Variants in DLC1 observed in about 807,000 individuals in gnomAD.
DLC1 encodes DLC1 Rho GTPase activating protein, also known as rho GTPase-activating protein 7.
A neutral mutation model predicts 140.3 loss-of-function variants in DLC1; 54 were observed. That is an observed-to-expected ratio of 0.38 (90% CI 0.31 to 0.48). The LOEUF (loss-of-function observed/expected upper bound fraction) is 0.48. Among genes scored for constraint, DLC1 ranks in the 20% least tolerant of loss-of-function variants. The pLI is 0.96. For missense variants in DLC1, 2,536 were observed against 1,907.0 expected, an observed-to-expected ratio of 1.33 and a Z score of -6.14; for synonymous variants, 986 against 728.1, an observed-to-expected ratio of 1.35 and a Z score of -5.70.
intron 1 of DLC1, among the ~76,000 whole-genome samples, chr8:13,537,596 A>G (rs1419091596): frequency 6.7e-5 from 10 of 148,666 alleles, no homozygotes; most frequent in Non-Finnish European, 1.0e-4. Flanking sequence ...GATGACAGTG[A>G]TAATAACTAG....
intron 1 of DLC1, among the ~76,000 whole-genome samples, chr8:13,596,931 C>T (rs1428376628): frequency 6.6e-6 from 1 of 151,728 alleles, no homozygotes; most frequent in Non-Finnish European, 1.5e-5. Context: ...GATCAGAATG[C>T]TTTCAGAACT....
At position 13,123,432 on chromosome 8, in the gene DLC1, C is replaced by T. The variant is rs1044001228; in HGVS notation, c.1349-7775G>A. On this transcript the variant is annotated intron_variant, in intron 5 of 17. Coordinates refer to ENST00000276297, the MANE Select transcript of DLC1 (RefSeq NM_182643.3). ...CTTGGCTCACTGCAACCTCTGTCTC[C>T]CAGGTTCAAGCGATTCTCCTGCCTC... Among the ~76,000 whole-genome samples, 45 of 152,186 alleles carry T rather than the reference C, an allele frequency of 3.0e-4. No homozygotes were observed. The East Asian group carries it at 8.5e-3, about 29-fold the overall frequency.
At chr8:13,213,982 C>T (rs1828068556) in intron 5 of DLC1, among the ~76,000 whole-genome samples, 2 of 152,154 alleles carry the variant, frequency 1.3e-5, no homozygotes, top group African/African-American at 2.4e-5. Context: ...TGGGGTTTCT[C>T]CATGTTGGCC....
intron 6 of DLC1, among the ~76,000 whole-genome samples, chr8:13,111,499 T>G (rs1359008862): frequency 6.6e-6 from 1 of 152,108 alleles, no homozygotes; most frequent in African/African-American, 2.4e-5. Flanking sequence ...CTCGAGACAA[T>G]GAAGAAGCTG....
rs563710527 is a variant in DLC1, at chr8:13,550,932, T to C, written c.-125-50736A>G. Reference sequence around the variant, plus strand: ...TCAAATAGCCTAGAAATCAATGGGTTAAATGAAGTTAAATATGTTTTTCTC... The same window carrying C: ...TCAAATAGCCTAGAAATCAATGGGTCAAATGAAGTTAAATATGTTTTTCTC... On this transcript the variant is annotated intron_variant, in intron 1 of 1. Coordinates refer to the DLC1 transcript ENST00000631382. Among the ~76,000 whole-genome samples, 51 of 152,146 alleles carry C rather than the reference T, an allele frequency of 3.4e-4. No individual in the cohort carries two copies. In the Middle Eastern group the frequency reaches 0.01, roughly 30 times the overall value.
At chr8:13,443,983 A>G (rs1798664508) in intron 2 of DLC1, among the ~76,000 whole-genome samples, 2 of 152,220 alleles carry the variant, frequency 1.3e-5, no homozygotes, top group South Asian at 4.1e-4. Context: ...AAAGCATTGT[A>G]TGAATCATGG....
chr8:13,182,902 G>T (rs577513100), intron 5 of DLC1, among the ~76,000 whole-genome samples: 1 of 152,174 alleles, frequency 6.6e-6, no homozygotes, highest in African/African-American at 2.4e-5. Flanking sequence ...CTGTAAATTA[G>T]CTTGGGCAGT....
chr8:13,305,886 G>T (rs929880945), intron 4 of DLC1, among the ~76,000 whole-genome samples: 6 of 152,264 alleles, frequency 3.9e-5, no homozygotes, highest in African/African-American at 1.4e-4. Flanking sequence ...AAAACACTTT[G>T]AATTGGGGTA....
At chr8:13,537,357 C>G (rs1563426923) in intron 1 of DLC1, among the ~76,000 whole-genome samples, 1 of 152,220 alleles carries the variant, frequency 6.6e-6, no homozygotes. Flanking sequence ...CATTCTAACA[C>G]ATAGCGTATG....
At chr8:13,110,167 T>G (rs1819957458) in intron 7 of DLC1, among the ~76,000 whole-genome samples, 1 of 152,074 alleles carries the variant, frequency 6.6e-6, no homozygotes, top group Non-Finnish European at 1.5e-5. Context: ...CTAAAACCTA[T>G]AAGCTGCCTC....
Position 13,085,733 on chromosome 8 carries a change from G to A in DLC1, c.*78C>T. On this transcript the variant is annotated 3_prime_UTR_variant, in exon 18 of 18. Transcript: ENST00000276297. ...TTTCTTTGTTTCAGGATTAGACACA[G>A]AACCCATTCTTCAAGGACTGGCAAA... The A allele has an allele frequency of 6.3e-7, 1 of 1,597,760 alleles. No homozygotes were observed. The highest frequency in any genetic ancestry group is 8.5e-7 in the Non-Finnish European group (1 of 1,171,102).
Position 13,456,453 on chromosome 8 carries a change from A to AT in DLC1, c.1023+42595dup, listed in dbSNP as rs10715849. On this transcript the variant is annotated intron_variant, in intron 2 of 17. Coordinates refer to ENST00000276297, the MANE Select transcript of DLC1 (RefSeq NM_182643.3). ...ATAACATACTTCTACTTCCTTTTTT[A>AT]TTTTTTTTTTTATTTTTATTTTTTG... is the stretch of plus-strand genomic sequence containing the variant. Among the ~76,000 whole-genome samples, 76 of 147,118 alleles carry AT rather than the reference A, an allele frequency of 5.2e-4. 1 individual carries two copies. The highest frequency in any genetic ancestry group is 8.0e-4 in the East Asian group (4 of 5,004).
At chr8:13,322,819 C>T (rs1833179442) in intron 4 of DLC1, among the ~76,000 whole-genome samples, 1 of 149,346 alleles carries the variant, frequency 6.7e-6, no homozygotes, top group African/African-American at 2.5e-5. Context: ...TAACACTCCC[C>T]CTTTTAAAAA....
intron 1 of DLC1, among the ~76,000 whole-genome samples, chr8:13,599,449 C>T (rs1332101100): frequency 6.6e-6 from 1 of 151,866 alleles, no homozygotes; most frequent in Non-Finnish European, 1.5e-5. Flanking sequence ...GTGGTTCTTT[C>T]TAACATTTTT....
intron 2 of DLC1, among the ~76,000 whole-genome samples, chr8:13,430,179 G>C (rs1216795068): frequency 6.6e-6 from 1 of 152,116 alleles, no homozygotes; most frequent in Non-Finnish European, 1.5e-5. Context: ...TCTCAAATTG[G>C]AGAGCGCATG....
At chr8:13,314,028 C>T (rs75240290) in intron 4 of DLC1, among the ~76,000 whole-genome samples, 1 of 151,996 alleles carries the variant, frequency 6.6e-6, no homozygotes, top group East Asian at 1.9e-4. Flanking sequence ...TGGAAGTGAT[C>T]CCTGTACCAG....
At chr8:13,101,249 G>T (rs959212036) in intron 8 of DLC1, among the ~76,000 whole-genome samples, 2 of 152,142 alleles carry the variant, frequency 1.3e-5, no homozygotes, top group Non-Finnish European at 2.9e-5. Context: ...TGTATTTAAA[G>T]AATTTAACAG....
At chr8:13,143,415 T>G (rs993778682) in intron 5 of DLC1, among the ~76,000 whole-genome samples, 7 of 152,206 alleles carry the variant, frequency 4.6e-5, no homozygotes, top group African/African-American at 7.2e-5. Context: ...TATGTGATTT[T>G]GTGTTACTTC....
intron 4 of DLC1, among the ~76,000 whole-genome samples, chr8:13,374,106 G>A (rs1835852417): frequency 6.6e-6 from 1 of 152,144 alleles, no homozygotes; most frequent in African/African-American, 2.4e-5. Flanking sequence ...ATAAGTGAAT[G>A]AACTGTATCT....
Sources: allele counts gnomAD v4.1 joint callset (sites outside exome capture counted in the v4.1 genomes callset), GRCh38; gene constraint gnomAD v4.1.1; transcripts MANE v1.5; gene names NCBI Gene and HGNC (gene_info 2026-07-23, HGNC 2026-07-21).